The following FAT3 variants were observed in gnomAD, a reference collection of about 807,000 sequenced individuals.
The protein encoded by FAT3 is FAT atypical cadherin 3, also known as protocadherin Fat 3.
Under a neutral mutation model 310.2 loss-of-function variants are expected in FAT3, and 95 were observed. The ratio of observed to expected loss-of-function variants is 0.31; its 90% CI spans 0.26 to 0.36. FAT3 has a LOEUF of 0.36. FAT3 is among the 10% of genes least tolerant of loss of function. FAT3 has a pLI of 1.00. For synonymous variants in FAT3, 2,314 were observed against 2,192.9 expected (o/e 1.06, Z -1.54); for missense variants, 5,408 against 5,715.6 (o/e 0.95, Z 1.74).
chr11:92,229,592 A>C (rs1370142312), intron 1 of FAT3, among the ~76,000 whole-genome samples: 4 of 147,998 alleles, frequency 2.7e-5, no homozygotes, highest in African/African-American at 7.5e-5. Flanking sequence ...TTGAAAAAGA[A>C]ATTCAGCTTA....
chr11:92,645,198 A>G (rs1428527986), intron 3 of FAT3, among the ~76,000 whole-genome samples: 3 of 152,236 alleles, frequency 2.0e-5, no homozygotes, highest in Non-Finnish European at 4.4e-5. Context: ...AAAGGGGATA[A>G]TGATAGTAAT....
chr11:92,303,698 C>A (rs1947054081), intron 1 of FAT3, among the ~76,000 whole-genome samples: 1 of 152,078 alleles, frequency 6.6e-6, no homozygotes, highest in South Asian at 2.1e-4. Context: ...AGGTGCTGAA[C>A]TATCTTTTAA....
chr11:92,412,732 T>TATATATATACACAC (rs1565296342), intron 2 of FAT3, among the ~76,000 whole-genome samples: 13 of 17,954 alleles, frequency 7.2e-4, no homozygotes, highest in Admixed American at 2.0e-3. Context: ...TATATATATA[T>TATATATATACACAC]ATATATATAT....
chr11:92,660,026 T>G (rs184801527), intron 3 of FAT3, among the ~76,000 whole-genome samples: 3 of 152,112 alleles, frequency 2.0e-5, no homozygotes, highest in Non-Finnish European at 4.4e-5. Context: ...CCAGGCAGCA[T>G]AGAGGAGAAA....
Position 92,857,291 on chromosome 11 carries a change from G to A in FAT3, c.11443G>A (p.Ala3815Thr), listed in dbSNP as rs1949006103. ...GGACATGCAGTGTGTCAGTTATGAA[G>A]CCAGCAGGAGACCGTTCCTCTGCCA... ...PGDMQCVSYE[A>T]SRRPFLCQCP... Residue 3815 changes from alanine to threonine, a missense_variant, in exon 20 of 28, where the codon GCC (alanine) becomes ACC (threonine). Physicochemically the swap from Ala to Thr is moderately conservative, Grantham distance 58. This residue lies in a region of FAT3 where 4,588 missense variants were observed against 4,809.8 expected (regional missense o/e 0.95). Transcript: ENST00000525166. 2 of 1,614,000 alleles carry A rather than the reference G, an allele frequency of 1.2e-6. No homozygotes were observed. The highest frequency in any genetic ancestry group is 4.5e-5 in the East Asian group (2 of 44,866).
At chr11:92,445,865 A>G (rs1951197036) in intron 2 of FAT3, among the ~76,000 whole-genome samples, 1 of 152,070 alleles carries the variant, frequency 6.6e-6, no homozygotes, top group Non-Finnish European at 1.5e-5. Context: ...GTAGGTGTGG[A>G]ATTTCACAGT....
intron 17 of FAT3, among the ~76,000 whole-genome samples, chr11:92,839,815 G>C (rs896522247): frequency 6.6e-6 from 1 of 152,176 alleles, no homozygotes; most frequent in Admixed American, 6.5e-5. Context: ...TTCAACGTGA[G>C]GATGACCTTT....
intron 9 of FAT3, among the ~76,000 whole-genome samples, chr11:92,796,058 A>G (rs1422629692): frequency 6.6e-6 from 1 of 152,072 alleles, no homozygotes; most frequent in Non-Finnish European, 1.5e-5. Context: ...ATAATCAGTG[A>G]ACACCGAGAT....
intron 3 of FAT3, among the ~76,000 whole-genome samples, chr11:92,683,879 T>G (rs746724814): frequency 5.3e-5 from 8 of 152,194 alleles, no homozygotes; most frequent in Non-Finnish European, 7.3e-5. Context: ...TGCCAAGGCA[T>G]TAATGTGATT....
At chr11:92,616,047 T>G (rs1319489934) in intron 3 of FAT3, among the ~76,000 whole-genome samples, 3 of 152,208 alleles carry the variant, frequency 2.0e-5, no homozygotes, top group African/African-American at 7.2e-5. Context: ...ACTTTCTGTC[T>G]CATTGATCTG....
At chr11:92,358,575 T>C (rs1428197388) in intron 2 of FAT3, among the ~76,000 whole-genome samples, 3 of 152,172 alleles carry the variant, frequency 2.0e-5, no homozygotes, top group Non-Finnish European at 4.4e-5. Flanking sequence ...TTAAGAAGAC[T>C]AGAGTGTCCA....
intron 6 of FAT3, among the ~76,000 whole-genome samples, chr11:92,773,641 A>G (rs1946517909): frequency 6.6e-6 from 1 of 152,174 alleles, no homozygotes. Context: ...TTCTATTAAT[A>G]ATAATTGGAC....
chr11:92,842,489 T>C (rs141440893), intron 18 of FAT3, among the ~76,000 whole-genome samples: 188 of 152,364 alleles, frequency 1.2e-3, no homozygotes, highest in Admixed American at 4.7e-3. Context: ...TCTCATCTGC[T>C]AAAGTTATAT....
chr11:92,767,384 A>T (rs1946341205), intron 6 of FAT3, among the ~76,000 whole-genome samples: 1 of 152,024 alleles, frequency 6.6e-6, no homozygotes, highest in South Asian at 2.1e-4. Context: ...CTCCTCCTTG[A>T]ACACTCCAGT....
intron 2 of FAT3, among the ~76,000 whole-genome samples, chr11:92,473,746 A>G (rs1951971411): frequency 6.6e-6 from 1 of 152,204 alleles, no homozygotes; most frequent in African/African-American, 2.4e-5. Flanking sequence ...AAACCCTCTC[A>G]CAGAGAAAAA....
chr11:92,873,576 A>C (rs1210205083), intron 22 of FAT3, among the ~76,000 whole-genome samples: 1 of 152,202 alleles, frequency 6.6e-6, no homozygotes, highest in Non-Finnish European at 1.5e-5. Flanking sequence ...ATAAGACAGG[A>C]ATTATCTTGA....
rs371530432 is a variant in FAT3 at position 92,717,976 on chromosome 11, C to A, written c.3669+20531C>A. Among the ~76,000 whole-genome samples the A allele has an allele frequency of 1.6e-4, 25 of 152,270 alleles. No individual in the cohort carries two copies. In the South Asian group the frequency reaches 5.2e-3, roughly 32 times the overall value. ...TGCAAAAAATGGCCACAAATTCTTG[C>A]AACTCTTTCTTTCAAGAGCTGGAGG... is the stretch of plus-strand genomic sequence containing the variant. On this transcript the variant is annotated intron_variant, in intron 4 of 27. Transcript: ENST00000525166.
intron 3 of FAT3, among the ~76,000 whole-genome samples, chr11:92,646,020 A>C (rs947500804): frequency 1.3e-5 from 2 of 152,322 alleles, no homozygotes; most frequent in Non-Finnish European, 1.5e-5. Flanking sequence ...CTGATTTGCT[A>C]TCAATTGTTA....
chr11:92,403,596 A>G (rs906509537), intron 2 of FAT3, among the ~76,000 whole-genome samples: 2 of 152,170 alleles, frequency 1.3e-5, no homozygotes, highest in African/African-American at 2.4e-5. Context: ...TGTGGTTGCT[A>G]TTTACAGAGG....
Sources: gnomAD v4.1 joint callset for allele counts (sites outside exome capture counted in the v4.1 genomes callset) on GRCh38, gnomAD v4.1.1 for gene constraint, gnomAD v4.1.1 regional missense constraint, MANE v1.5 for transcripts, NCBI Gene and HGNC (gene_info 2026-07-23, HGNC 2026-07-21) for gene names.